Variants in DLGAP2 observed in about 807,000 individuals in gnomAD.
The protein encoded by DLGAP2 is DLG associated protein 2, also known as disks large-associated protein 2.
A neutral mutation model predicts 100.3 loss-of-function variants in DLGAP2; 26 were observed. The observed-to-expected ratio is 0.26, with a 90% confidence interval of 0.19 to 0.36. DLGAP2 has a LOEUF of 0.36. Ranked by LOEUF, DLGAP2 falls within the 10% of genes least tolerant of loss-of-function variation. The pLI, the probability that DLGAP2 is intolerant of heterozygous loss-of-function variation, is 1.00. For synonymous variants in DLGAP2, 886 were observed against 630.1 expected (o/e 1.41, Z -6.08); for missense variants, 1,858 against 1,453.2 (o/e 1.28, Z -4.53).
At chr8:1,383,201 A>G (rs1796136320) in intron 3 of DLGAP2, among the ~76,000 whole-genome samples, 1 of 152,204 alleles carries the variant, frequency 6.6e-6, no homozygotes. Context: ...GTAACGAGAA[A>G]AATAAGGGAT....
chr8:1,295,166 G>C (rs1442302969), intron 3 of DLGAP2, among the ~76,000 whole-genome samples: 1 of 152,154 alleles, frequency 6.6e-6, no homozygotes, highest in Non-Finnish European at 1.5e-5. Flanking sequence ...GCGTGTTCTG[G>C]CCTCCCTTGC....
chr8:896,709 C>G (rs933146998), intron 1 of DLGAP2, among the ~76,000 whole-genome samples: 1 of 152,070 alleles, frequency 6.6e-6, no homozygotes, highest in African/African-American at 2.4e-5. Context: ...ACCATCTGAG[C>G]CCGGAAGTGG....
At chr8:845,225 T>C (rs1414820864) in intron 1 of DLGAP2, among the ~76,000 whole-genome samples, 1 of 152,228 alleles carries the variant, frequency 6.6e-6, no homozygotes, top group Non-Finnish European at 1.5e-5. Flanking sequence ...TTCAGACTGT[T>C]TTCCAAAGTT....
chr8:1,418,782 C>T (rs999088925), intron 3 of DLGAP2, among the ~76,000 whole-genome samples: 2 of 152,204 alleles, frequency 1.3e-5, no homozygotes, highest in African/African-American at 2.4e-5. Flanking sequence ...TGACCCTGAC[C>T]ACCTGCACTT....
chr8:1,588,093 T>G (rs1796179976), intron 6 of DLGAP2, among the ~76,000 whole-genome samples: 1 of 151,954 alleles, frequency 6.6e-6, no homozygotes, highest in African/African-American at 2.4e-5. Flanking sequence ...CGATGAAGAG[T>G]GTTCAGAACA....
At chr8:1,200,131 C>T (rs1196555805) in intron 2 of DLGAP2, among the ~76,000 whole-genome samples, 3 of 152,076 alleles carry the variant, frequency 2.0e-5, no homozygotes, top group Non-Finnish European at 4.4e-5. Context: ...GGGAGCGGAT[C>T]CCTGCACAGG....
intron 2 of DLGAP2, among the ~76,000 whole-genome samples, chr8:1,010,100 A>T (rs530005707): frequency 3.3e-5 from 5 of 152,356 alleles, no homozygotes; most frequent in Non-Finnish European, 7.3e-5. Flanking sequence ...TCAACAAACT[A>T]AAGATTTTTA....
chr8:1,639,236 C>T (rs547664002), intron 8 of DLGAP2, among the ~76,000 whole-genome samples: 3 of 152,300 alleles, frequency 2.0e-5, no homozygotes, highest in East Asian at 3.9e-4. Context: ...GACCAGAGCC[C>T]ACAGCGTCAG....
Position 804,523 on chromosome 8 carries a change from C to G in DLGAP2, c.18+66698C>G, listed in dbSNP as rs1796229757. ...TGTTATCAGGTGACGAGATGCAGGG[C>G]TGACATGCTATGGTTTGCTCTGTGT... On this transcript the variant is annotated intron_variant, in intron 1 of 14. Transcript: ENST00000637795. 2.0e-5 allele frequency among the ~76,000 whole-genome samples: 3 copies of G among 152,188 alleles called. No homozygotes were observed. In the South Asian group the frequency reaches 6.2e-4, roughly 31 times the overall value.
intron 14 of DLGAP2, among the ~76,000 whole-genome samples, chr8:1,697,705 C>A (rs1020884166): frequency 2.0e-5 from 3 of 152,136 alleles, no homozygotes; most frequent in African/African-American, 7.2e-5. Flanking sequence ...AGTTTTAGGC[C>A]TGGTTATGGA....
intron 2 of DLGAP2, among the ~76,000 whole-genome samples, chr8:957,055 A>C (rs1345957383): frequency 3.3e-5 from 5 of 152,244 alleles, no homozygotes; most frequent in Non-Finnish European, 5.9e-5. Flanking sequence ...TCAAGCACCC[A>C]AGCTGGTTGG....
intron 2 of DLGAP2, among the ~76,000 whole-genome samples, chr8:1,054,154 G>T (rs1802803958): frequency 6.6e-6 from 1 of 151,968 alleles, no homozygotes; most frequent in Admixed American, 6.6e-5. Flanking sequence ...TCCTCTCCTG[G>T]TTTGAGTACA....
intron 1 of DLGAP2, among the ~76,000 whole-genome samples, chr8:804,916 C>T (rs1037407186): frequency 9.9e-5 from 15 of 152,050 alleles, no homozygotes; most frequent in African/African-American, 3.6e-4. Flanking sequence ...AGGTGTGCAC[C>T]ACCACACCTG....
At chr8:1,204,966 A>G (rs1438541912) in intron 2 of DLGAP2, among the ~76,000 whole-genome samples, 1 of 152,174 alleles carries the variant, frequency 6.6e-6, no homozygotes, top group African/African-American at 2.4e-5. Flanking sequence ...GGATTAATTC[A>G]GTGGGGCTGA....
chr8:980,710 G>A (rs955776896), intron 2 of DLGAP2, among the ~76,000 whole-genome samples: 3 of 152,146 alleles, frequency 2.0e-5, no homozygotes, highest in African/African-American at 4.8e-5. Context: ...GAAGGAAGCT[G>A]GGTTCCGGGA....
intron 2 of DLGAP2, among the ~76,000 whole-genome samples, chr8:1,039,604 G>T (rs1461286505): frequency 9.6e-4 from 81 of 84,442 alleles, no homozygotes; most frequent in South Asian, 1.4e-3. Flanking sequence ...TCAGCTTGGT[G>T]TGCGTGGTCA....
intron 3 of DLGAP2, among the ~76,000 whole-genome samples, chr8:1,317,812 C>T (rs75601838): frequency 1.6e-4 from 21 of 132,988 alleles, no homozygotes; most frequent in Non-Finnish European, 3.0e-4. Context: ...AGAGCGTGTG[C>T]GAGTGCAGCG....
chr8:771,469 T>C (rs1278333318), intron 1 of DLGAP2, among the ~76,000 whole-genome samples: 1 of 152,274 alleles, frequency 6.6e-6, no homozygotes, highest in Non-Finnish European at 1.5e-5. Context: ...GGGCCTGCAC[T>C]AGCCGGGTCT....
At chr8:1,034,457 C>T (rs56175330) in intron 2 of DLGAP2, among the ~76,000 whole-genome samples, 2,232 of 20,776 alleles carry the variant, frequency 0.11, 616 homozygotes, top group Non-Finnish European at 0.15. Flanking sequence ...ATCCCAACCC[C>T]GCGTGTCACC....
Sources: gnomAD v4.1 joint callset for allele counts (sites outside exome capture counted in the v4.1 genomes callset) on GRCh38, gnomAD v4.1.1 for gene constraint, MANE v1.5 for transcripts, NCBI Gene and HGNC (gene_info 2026-07-23, HGNC 2026-07-21) for gene names.